Variants in SCARA5 observed in about 807,000 individuals in gnomAD.
The protein encoded by SCARA5 is scavenger receptor class A member 5.
Under a neutral mutation model 46.3 loss-of-function variants are expected in SCARA5, and 45 were observed. The ratio of observed to expected loss-of-function variants is 0.97; its 90% CI spans 0.76 to 1.24. SCARA5 has a LOEUF of 1.24. Among genes scored for constraint, SCARA5 ranks in the 50% most tolerant of loss-of-function variants. The probability of loss-of-function intolerance (pLI) is 0.00; values close to 1 mark genes in which losing one functional copy is unlikely to be tolerated. For synonymous variants in SCARA5, 333 were observed against 306.5 expected, an observed-to-expected ratio of 1.09 and a Z score of -0.90; for missense variants, 680 against 689.0, an observed-to-expected ratio of 0.99 and a Z score of 0.15.
At chr8:27,917,282 A>G (rs966199900) in intron 4 of SCARA5, among the ~76,000 whole-genome samples, 2 of 152,212 alleles carry the variant, frequency 1.3e-5, no homozygotes, top group African/African-American at 4.8e-5. Context: ...TGAGGACCAA[A>G]GAAAGACTAC....
intron 1 of SCARA5, 91 bp downstream of exon 1, chr8:27,992,166 A>G (rs556546777): frequency 6.1e-4 from 93 of 151,940 alleles, no homozygotes; most frequent in African/African-American, 2.0e-3. Context: ...CAAACTCTGT[A>G]CTCCTCTCCA....
At position 27,987,624 on chromosome 8, in the gene SCARA5, G is replaced by A. The variant is rs2129987900; in HGVS notation, c.-9C>T. The A allele has an allele frequency of 6.3e-7, 1 of 1,584,984 alleles. No individual in the cohort carries two copies. The highest frequency in any genetic ancestry group is 2.2e-5 in the East Asian group (1 of 44,756). On this transcript the variant is annotated 5_prime_UTR_variant, in exon 2 of 9. Transcript: ENST00000354914. ...ATAGCTTTGTTCTCCATCACACCCT[G>A]CAACAGCTGCAGAGAAGGCAAGAGG...
At chr8:27,936,975 G>C (rs539488183) in intron 3 of SCARA5, among the ~76,000 whole-genome samples, 3 of 152,136 alleles carry the variant, frequency 2.0e-5, no homozygotes, top group Non-Finnish European at 4.4e-5. Context: ...GCCTCCTATT[G>C]AGAATATTCC....
At chr8:27,929,398 A>T (rs1221080198) in intron 3 of SCARA5, among the ~76,000 whole-genome samples, 3 of 152,182 alleles carry the variant, frequency 2.0e-5, no homozygotes, top group African/African-American at 7.2e-5. Flanking sequence ...CCAGCTGGGT[A>T]GGTACATGTG....
chr8:27,889,919 C>T (rs543781877), intron 7 of SCARA5, among the ~76,000 whole-genome samples: 40 of 152,306 alleles, frequency 2.6e-4, no homozygotes, highest in Non-Finnish European at 5.4e-4. Context: ...ATATGCAGCA[C>T]TAAAAATGCA....
chr8:27,955,577 G>A (rs1377336494), intron 3 of SCARA5, among the ~76,000 whole-genome samples: 1 of 152,178 alleles, frequency 6.6e-6, no homozygotes, highest in East Asian at 1.9e-4. Context: ...GTCCCAGCGA[G>A]GGGCCAGTAG....
rs1226603019 is a variant in SCARA5, at chr8:27,904,545, A to G, written c.1153+233T>C. The G allele has an allele frequency of 4.0e-5, 24 of 600,438 alleles. No individual in the cohort carries two copies. The East Asian group carries it at 5.1e-4, about 13-fold the overall frequency. The allele number at this position is 600,438 out of a possible 1,614,324, so 37.2% of individuals were successfully genotyped here. A position where few individuals can be genotyped will look rare whatever the true frequency, so the allele number is the denominator to read the frequency against. ...GTGACCGGGGGAAGCCTCCAGATCC[A>G]TGCACACAACCGCCAGGTTTATGAC... is the stretch of plus-strand genomic sequence containing the variant. On this transcript the variant is annotated intron_variant, in intron 7 of 8. Coordinates refer to ENST00000354914, the MANE Select transcript of SCARA5 (RefSeq NM_173833.6).
intron 3 of SCARA5, among the ~76,000 whole-genome samples, chr8:27,962,774 C>T (rs917963628): frequency 3.2e-4 from 48 of 152,216 alleles, no homozygotes; most frequent in African/African-American, 1.1e-3. Context: ...CGTCACATTG[C>T]CCGACAATGG....
intron 3 of SCARA5, among the ~76,000 whole-genome samples, chr8:27,938,168 T>C (rs1807886886): frequency 6.6e-6 from 1 of 152,166 alleles, no homozygotes. Context: ...GGGGTGCTTC[T>C]AGAACCAAGC....
At chr8:27,905,770 G>A (rs1016838363) in intron 6 of SCARA5, among the ~76,000 whole-genome samples, 1 of 149,928 alleles carries the variant, frequency 6.7e-6, no homozygotes. Flanking sequence ...GAGTGCAGTG[G>A]TGCAATCTTA....
At chr8:27,908,794 CT>C (rs1480313341) in intron 5 of SCARA5, among the ~76,000 whole-genome samples, 1 of 152,100 alleles carries the variant, frequency 6.6e-6, no homozygotes, top group Non-Finnish European at 1.5e-5. Context: ...TCAGTGCTGA[CT>C]TTAGGGAGGT....
In SCARA5 at chr8:27,923,583, T is replaced by A. The variant is rs570826073; in HGVS notation, c.242-1338A>T. 6.6e-5 allele frequency among the ~76,000 whole-genome samples: 10 copies of A among 152,308 alleles called. No individual in the cohort carries two copies. The East Asian group carries it at 1.7e-3, about 26-fold the overall frequency. On this transcript the variant is annotated intron_variant, in intron 3 of 8. Transcript: ENST00000354914. ...TGTTTTCTGTTTTTGTTTTGTTTTG[T>A]TTTTTGAGACAGAGTCTCACTCTGT...
intron 7 of SCARA5, among the ~76,000 whole-genome samples, chr8:27,898,006 G>A (rs758085359): frequency 3.9e-5 from 6 of 152,180 alleles, no homozygotes; most frequent in Admixed American, 6.5e-5. Flanking sequence ...GCCAGGGCAC[G>A]GGCCCAGCTC....
At chr8:27,990,229 G>A (rs912002492) in intron 1 of SCARA5, among the ~76,000 whole-genome samples, 4 of 152,208 alleles carry the variant, frequency 2.6e-5, no homozygotes, top group South Asian at 4.1e-4. Flanking sequence ...GACTGGGGCC[G>A]AGCGGGGCCA....
intron 8 of SCARA5, among the ~76,000 whole-genome samples, chr8:27,877,814 C>G (rs1418992521): frequency 6.6e-6 from 1 of 152,208 alleles, no homozygotes; most frequent in Non-Finnish European, 1.5e-5. Flanking sequence ...TCCCTGCCAG[C>G]TGGCTCGACA....
At chr8:27,960,818 G>GAGTA (rs1554575340) in intron 3 of SCARA5, among the ~76,000 whole-genome samples, 7 of 151,778 alleles carry the variant, frequency 4.6e-5, no homozygotes, top group Non-Finnish European at 8.8e-5. Flanking sequence ...TGAAATAAAT[G>GAGTA]AGTTGTGATC....
At chr8:27,911,323 T>C (rs2685348) in intron 4 of SCARA5, among the ~76,000 whole-genome samples, 84,730 of 151,998 alleles carry the variant, frequency 0.56, 24,257 homozygotes, top group Non-Finnish European at 0.63. Flanking sequence ...GACAGGACCA[T>C]ACCCTTTATA....
At chr8:27,959,887 C>G (rs529899083) in intron 3 of SCARA5, among the ~76,000 whole-genome samples, 1 of 152,316 alleles carries the variant, frequency 6.6e-6, no homozygotes, top group South Asian at 2.1e-4. Context: ...CCATCGCTCC[C>G]TCCCCTAAAG....
intron 3 of SCARA5, among the ~76,000 whole-genome samples, chr8:27,931,867 T>C (rs569592816): frequency 6.6e-6 from 1 of 152,288 alleles, no homozygotes; most frequent in African/African-American, 2.4e-5. Flanking sequence ...TTGGCTAGGC[T>C]GGTCTTGAAC....
Sources: allele counts gnomAD v4.1 joint callset (sites outside exome capture counted in the v4.1 genomes callset), GRCh38; gene constraint gnomAD v4.1.1; transcripts MANE v1.5; gene names NCBI Gene and HGNC (gene_info 2026-07-23, HGNC 2026-07-21).